Variants in RHOA observed in about 807,000 individuals in gnomAD.
RHOA encodes the protein transforming protein RhoA.
A neutral mutation model predicts 17.5 loss-of-function variants in RHOA; 3 were observed. The observed-to-expected ratio is 0.17, with a 90% CI of 0.08 to 0.44. The LOEUF (loss-of-function observed/expected upper bound fraction) is 0.44, where lower values mean the gene tolerates loss of function less well. RHOA is among the 20% of genes least tolerant of loss of function. The pLI is 0.99. For synonymous variants in RHOA, 98 were observed against 88.4 expected (o/e 1.11, Z -0.61); for missense variants, 56 against 242.3 (o/e 0.23, Z 5.10).
At position 49,359,593 on chromosome 3, in the gene RHOA, C is replaced by CA; in HGVS notation, c.*615dup. The stretch of plus-strand genomic sequence containing the variant: ...GACAGTATTAGGAAATCCAATTATA[C>CA]AAAAAATACTACATCTAGTCTGGGG... On this transcript the variant is annotated 3_prime_UTR_variant, in exon 5 of 5. Transcript: ENST00000418115. 1 of 206,226 alleles carries CA rather than the reference C, an allele frequency of 4.8e-6. No homozygotes were observed. The highest frequency in any genetic ancestry group is 7.5e-5 in the East Asian group (1 of 13,254). 12.8% of individuals were successfully genotyped at this position (206,226 alleles called of 1,614,324 possible). A position where few individuals can be genotyped will look rare whatever the true frequency, so the allele number is the denominator to read the frequency against.
chr3:49,381,798 G>A (rs2048321506), intron 1 of RHOA, among the ~76,000 whole-genome samples: 2 of 151,474 alleles, frequency 1.3e-5, no homozygotes. Context: ...CCGGGAGGAG[G>A]AAGTTGCAGT....
At chr3:49,380,589 C>T (rs1012149515) in intron 1 of RHOA, among the ~76,000 whole-genome samples, 4 of 151,182 alleles carry the variant, frequency 2.6e-5, no homozygotes, top group African/African-American at 4.9e-5. Flanking sequence ...GCAAGAGAAT[C>T]GCTTGAACCT....
chr3:49,407,343 C>T (rs2048851248), intron 1 of RHOA, among the ~76,000 whole-genome samples: 1 of 139,644 alleles, frequency 7.2e-6, no homozygotes, highest in Non-Finnish European at 1.5e-5. Context: ...AAGTGATTCT[C>T]CTATCTCAGC....
Position 49,360,335 on chromosome 3 carries a change from G to A in RHOA, c.456C>T (p.Gly152=), listed in dbSNP as rs770581237. ...EEGRDMANRI[G]AFGYMECSAK... is the part of the protein sequence containing the mutation. Reference sequence around the variant, plus strand: ...CTGAACACTCCATGTACCCAAAAGCGCCAATCCTGTTTGCCATATCTCTGC... The same window carrying A: ...CTGAACACTCCATGTACCCAAAAGCACCAATCCTGTTTGCCATATCTCTGC... Residue 152 remains glycine (G), a synonymous_variant, in exon 5 of 5, where the codon GGC becomes GGT. Coordinates refer to ENST00000418115, the MANE Select transcript of RHOA (RefSeq NM_001664.4). 27 of 1,613,386 alleles carry A rather than the reference G, an allele frequency of 1.7e-5. No homozygotes were observed. Among genetic ancestry groups the A allele is most frequent in the Middle Eastern group, 1.6e-4 (1 of 6,082 alleles).
Position 49,390,892 on chromosome 3 carries a change from G to A in RHOA, c.-2-15301C>T, listed in dbSNP as rs556570185. The stretch of plus-strand genomic sequence containing the variant: ...GAGGTCAGGAGTTCGAGACCAGCCT[G>A]GCCAACGTGGTGAAACCCCGTCTCT... On this transcript the variant is annotated intron_variant, in intron 1 of 4. Coordinates refer to ENST00000418115, the MANE Select transcript of RHOA (RefSeq NM_001664.4). 1.9e-3 allele frequency among the ~76,000 whole-genome samples: 296 copies of A among 152,138 alleles called. 2 individuals are homozygous for A. Among genetic ancestry groups the A allele is most frequent in the African/African-American group, 6.8e-3 (281 of 41,510 alleles).
chr3:49,377,937 T>C (rs920631210), intron 1 of RHOA, among the ~76,000 whole-genome samples: 6 of 151,666 alleles, frequency 4.0e-5, no homozygotes, highest in Non-Finnish European at 8.8e-5. Context: ...ACACTTGAGG[T>C]CAGGAGTTCG....
intron 3 of RHOA, among the ~76,000 whole-genome samples, chr3:49,366,221 C>G (rs568107340): frequency 6.6e-6 from 1 of 152,244 alleles, no homozygotes; most frequent in East Asian, 1.9e-4. Flanking sequence ...AGAGTGTCAA[C>G]TAGCTCAAAT....
intron 2 of RHOA, 50 bp from the exon 3 acceptor site, chr3:49,368,598 A>G (rs752102887): frequency 2.2e-5 from 36 of 1,610,354 alleles, no homozygotes; most frequent in Non-Finnish European, 3.0e-5. Context: ...CCCCCCACCC[A>G]CTTTTAGAAA....
chr3:49,361,449 C>G (rs2047969920), intron 4 of RHOA, among the ~76,000 whole-genome samples: 1 of 152,210 alleles, frequency 6.6e-6, no homozygotes. Flanking sequence ...TTTAAAAAGG[C>G]ATTGGGAGTG....
At chr3:49,407,893 G>C (rs1255023151) in intron 1 of RHOA, among the ~76,000 whole-genome samples, 3 of 152,088 alleles carry the variant, frequency 2.0e-5, no homozygotes, top group African/African-American at 7.2e-5. Flanking sequence ...CAGACATAGT[G>C]GCTCTCACCT....
intron 1 of RHOA, among the ~76,000 whole-genome samples, chr3:49,408,360 G>T (rs916650372): frequency 2.0e-5 from 3 of 151,776 alleles, no homozygotes; most frequent in African/African-American, 7.3e-5. Flanking sequence ...ATAAAATCAA[G>T]CTAAGTTTGG....
At chr3:49,362,337 CTGTGAAGATCCCAATT>C (rs1298393881) in intron 4 of RHOA, among the ~76,000 whole-genome samples, 143 bp downstream of exon 4, 1 of 152,034 alleles carries the variant, frequency 6.6e-6, no homozygotes, top group Admixed American at 6.5e-5. Context: ...TAGGGATCTT[CTGTGAAGATCCCAATT>C]AATGAGGGTC....
At position 49,391,823 on chromosome 3, in the gene RHOA, CTTTTTTT is replaced by C. The variant is rs59591685; in HGVS notation, c.-2-16239_-2-16233del. On this transcript the variant is annotated intron_variant, in intron 1 of 4. Transcript: ENST00000418115. ...ACTGTGCCCGGCCTAATTAATTTAT[CTTTTTTT>C]TTTTTTTTTTTTTTTGAGACAGCGT... Among the ~76,000 whole-genome samples the C allele has an allele frequency of 3.2e-4, 32 of 99,674 alleles. 1 individual carries two copies. Among genetic ancestry groups the C allele is most frequent in the Admixed American group, 2.3e-3 (20 of 8,796 alleles). The allele number at this position is 99,674 out of a possible 152,430, so 65.4% of individuals were successfully genotyped here.
At chr3:49,409,870 T>G (rs1262171425) in intron 1 of RHOA, among the ~76,000 whole-genome samples, 1 of 152,184 alleles carries the variant, frequency 6.6e-6, no homozygotes, top group Non-Finnish European at 1.5e-5. Context: ...GTGCCCACAG[T>G]TAACTAAAAA....
At chr3:49,398,070 T>G (rs1179443940) in intron 1 of RHOA, among the ~76,000 whole-genome samples, 2 of 151,798 alleles carry the variant, frequency 1.3e-5, no homozygotes, top group African/African-American at 4.8e-5. Flanking sequence ...AGGTAAAGAG[T>G]AGGATTTAGG....
At chr3:49,399,205 T>C (rs959863722) in intron 1 of RHOA, among the ~76,000 whole-genome samples, 1 of 149,500 alleles carries the variant, frequency 6.7e-6, no homozygotes, top group African/African-American at 2.5e-5. Context: ...CCGTCTCTAC[T>C]AAAAACTACA....
At chr3:49,402,643 C>A (rs1015124736) in intron 1 of RHOA, among the ~76,000 whole-genome samples, 1 of 152,182 alleles carries the variant, frequency 6.6e-6, no homozygotes, top group African/African-American at 2.4e-5. Flanking sequence ...CACTGCACTC[C>A]AGCCTGGGAA....
intron 1 of RHOA, among the ~76,000 whole-genome samples, chr3:49,376,644 CAAAAAAAAAAAA>C (rs963176937): frequency 2.3e-5 from 1 of 43,834 alleles, no homozygotes; most frequent in Non-Finnish European, 5.1e-5. Flanking sequence ...CTCCATCTCA[CAAAAAAAAAAAA>C]AAAAAAAAAG....
intron 3 of RHOA, chr3:49,365,276 G>C (rs185669520): frequency 6.6e-6 from 1 of 151,802 alleles, no homozygotes; most frequent in Non-Finnish European, 1.5e-5. Context: ...CCGAGTAGCT[G>C]GGATTACAGG....
Sources: allele counts gnomAD v4.1 joint callset (sites outside exome capture counted in the v4.1 genomes callset), GRCh38; gene constraint gnomAD v4.1.1; transcripts MANE v1.5; gene names NCBI Gene and HGNC (gene_info 2026-07-23, HGNC 2026-07-21).